Variants in REPS2 observed in about 807,000 individuals in gnomAD.
The protein encoded by REPS2 is RALBP1 associated Eps domain containing 2, also known as ralBP1-associated Eps domain-containing protein 2.
REPS2 carries 23 observed loss-of-function variants against 53.6 expected under a neutral mutation model. The ratio of observed to expected loss-of-function variants is 0.43; its 90% CI spans 0.31 to 0.61. The LOEUF is 0.61. Among genes scored for constraint, REPS2 ranks in the 20% least tolerant of loss-of-function variants. REPS2 has a pLI of 0.11. For missense variants in REPS2, 446 were observed against 534.9 expected, an observed-to-expected ratio of 0.83 and a Z score of 1.64; for synonymous variants, 238 against 218.6, an observed-to-expected ratio of 1.09 and a Z score of -0.78.
rs1248201060 is a variant in REPS2, at chrX:16,965,568, C to T, written c.273+18434C>T. ...CTCAGACGGGGCGTCCGGGCAGAGA[C>T]GCTCCTCACATCCCAGACGGGGTGG... On this transcript the variant is annotated intron_variant, in intron 1 of 17. Coordinates refer to ENST00000357277, the MANE Select transcript of REPS2 (RefSeq NM_004726.3). 4.5e-5 allele frequency among the ~76,000 whole-genome samples: 5 copies of T among 110,669 alleles called. No individual in the cohort carries two copies. In the South Asian group the frequency reaches 1.2e-3, roughly 26 times the overall value.
At chrX:17,118,877 T>C (rs1051821341) in intron 14 of REPS2, among the ~76,000 whole-genome samples, 1 of 112,528 alleles carries the variant, frequency 8.9e-6, no homozygotes, top group Non-Finnish European at 1.9e-5. Context: ...AGGGTAACCC[T>C]TATTCTACCC....
chrX:16,985,184 A>G (rs189549268), intron 1 of REPS2, among the ~76,000 whole-genome samples: 1 of 111,794 alleles, frequency 8.9e-6, no homozygotes, highest in East Asian at 2.8e-4. Flanking sequence ...TCTTCCTGAA[A>G]CAGTTTAACT....
At chrX:17,106,642 C>T (rs2062878397) in intron 14 of REPS2, among the ~76,000 whole-genome samples, 1 of 110,738 alleles carries the variant, frequency 9.0e-6, no homozygotes, top group African/African-American at 3.3e-5. Flanking sequence ...TCTCGATCTC[C>T]TGACCTCGTG....
rs747896205 is a variant in REPS2 at position 17,030,368 on chromosome X, A to G, written c.771+745A>G. Among the ~76,000 whole-genome samples the G allele has an allele frequency of 2.7e-5, 3 of 109,181 alleles. No homozygotes were observed. In the Admixed American group the frequency reaches 3.0e-4, roughly 11 times the overall value. 94.8% of individuals were successfully genotyped at this position (109,181 alleles called of 115,157 possible). A position where few individuals can be genotyped will look rare whatever the true frequency, so the allele number is the denominator to read the frequency against. ...GCACGCGCGGGTGTGCAGGTTTACTATTTGACACTAAAGAGGAAGTGGGGC... is the reference window on the plus strand; with the variant it reads ...GCACGCGCGGGTGTGCAGGTTTACTGTTTGACACTAAAGAGGAAGTGGGGC... On this transcript the variant is annotated intron_variant, in intron 5 of 17. Transcript: ENST00000357277.
rs771910181 is a variant in REPS2, at chrX:17,083,565, G to A, written c.1516+6158G>A. ...GGCTGTGTTTATTGAGTGGCGAATT[G>A]AGAAGTCTTTCCTCGGTTTTCTATA... On this transcript the variant is annotated intron_variant, in intron 13 of 17. Transcript: ENST00000357277. Among the ~76,000 whole-genome samples the A allele has an allele frequency of 5.4e-5, 6 of 111,891 alleles. No homozygotes were observed. The East Asian group carries it at 1.7e-3, about 31-fold the overall frequency.
chrX:17,194,463 G>T, the REPS2 span, among the ~76,000 whole-genome samples: 1 of 111,716 alleles, frequency 9.0e-6, no homozygotes, highest in African/African-American at 3.3e-5. Flanking sequence ...TATGCCAAGT[G>T]CAAAAACCCA....
At chrX:17,182,003 G>A in the REPS2 span, among the ~76,000 whole-genome samples, 1 of 111,861 alleles carries the variant, frequency 8.9e-6, no homozygotes, top group Non-Finnish European at 1.9e-5. Flanking sequence ...AGTCTATGTT[G>A]TTTCCCCCTG....
intron 4 of REPS2, among the ~76,000 whole-genome samples, chrX:17,027,659 G>GTTTTTTTTTTTT (rs761592588): frequency 1.5e-5 from 1 of 67,270 alleles, no homozygotes; most frequent in Non-Finnish European, 2.6e-5. Flanking sequence ...AAATCTTTAG[G>GTTTTTTTTTTTT]TTTTTTTTTT....
At chrX:16,975,215 C>T (rs1277385543) in intron 1 of REPS2, among the ~76,000 whole-genome samples, 1 of 111,970 alleles carries the variant, frequency 8.9e-6, no homozygotes, top group African/African-American at 3.3e-5. Flanking sequence ...GATTTATATT[C>T]CTTTGGGTCT....
chrX:16,951,605 A>G (rs1355356137), intron 1 of REPS2, among the ~76,000 whole-genome samples: 1 of 105,436 alleles, frequency 9.5e-6, no homozygotes, highest in African/African-American at 3.5e-5. Flanking sequence ...AGTCCCAGCT[A>G]TTCTGGAGGC....
At chrX:17,162,299 C>G in the REPS2 span, among the ~76,000 whole-genome samples, 4 of 112,658 alleles carry the variant, frequency 3.6e-5, no homozygotes, top group African/African-American at 1.3e-4. Flanking sequence ...CAATTGGCAA[C>G]AATTGTTTAA....
intron 13 of REPS2, among the ~76,000 whole-genome samples, chrX:17,101,971 G>A (rs1428031213): frequency 1.8e-5 from 2 of 111,339 alleles, no homozygotes; most frequent in Non-Finnish European, 3.8e-5. Flanking sequence ...TTTAACACAC[G>A]TTAATACAAT....
At chrX:17,157,094 A>G (rs1285392264), downstream of REPS2, among the ~76,000 whole-genome samples, 1 of 111,871 alleles carries the variant, frequency 8.9e-6, no homozygotes, top group African/African-American at 3.3e-5. Flanking sequence ...TAGAGAGATG[A>G]GAGCTTTTAA....
At chrX:17,061,993 TAAC>T (rs2054217197) in intron 8 of REPS2, among the ~76,000 whole-genome samples, 1 of 112,861 alleles carries the variant, frequency 8.9e-6, no homozygotes, top group Non-Finnish European at 1.9e-5. Flanking sequence ...TGCCTATTTC[TAAC>T]AATAGTTAAA....
rs535015821 is a variant in REPS2, at chrX:17,033,101, C to T, written c.771+3478C>T. 1.2e-4 allele frequency among the ~76,000 whole-genome samples: 14 copies of T among 112,302 alleles called. No individual in the cohort carries two copies. In the South Asian group the frequency reaches 4.1e-3, roughly 33 times the overall value. On this transcript the variant is annotated intron_variant, in intron 5 of 17. Coordinates refer to ENST00000357277, the MANE Select transcript of REPS2 (RefSeq NM_004726.3). ...TGCTGGCAAAAGATTTAGAATTGCA[C>T]GCTTTATTCCTACTGTTCTCAGCTG...
At chrX:17,018,947 A>T (rs1189523754) in intron 2 of REPS2, among the ~76,000 whole-genome samples, 2 of 110,564 alleles carry the variant, frequency 1.8e-5, no homozygotes, top group African/African-American at 3.3e-5. Flanking sequence ...GACTACAGGC[A>T]TATGCCACCA....
intron 14 of REPS2, 110 bp from the exon 15 acceptor site, chrX:17,133,714 T>G (rs1467349074): frequency 3.1e-6 from 2 of 654,849 alleles, no homozygotes; most frequent in Admixed American, 4.7e-5. Context: ...TGGCTGCAAC[T>G]TGGCCTAAAT....
chrX:17,185,612 G>A, the REPS2 span, among the ~76,000 whole-genome samples: 3 of 111,632 alleles, frequency 2.7e-5, no homozygotes, highest in African/African-American at 3.3e-5. Context: ...TGGCAATTCC[G>A]CCTTTCACAT....
chrX:17,106,420 T>A, intron 14 of REPS2, among the ~76,000 whole-genome samples: 1 of 108,978 alleles, frequency 9.2e-6, no homozygotes, highest in Non-Finnish European at 1.9e-5. Flanking sequence ...AGTAACTTTT[T>A]TTTTTTTTTT....
Sources: allele counts gnomAD v4.1 joint callset (sites outside exome capture counted in the v4.1 genomes callset), GRCh38; gene constraint gnomAD v4.1.1; transcripts MANE v1.5; gene names NCBI Gene and HGNC (gene_info 2026-07-23, HGNC 2026-07-21).